The following TXNRD1 variants were observed in gnomAD, a reference collection of about 807,000 sequenced individuals.
TXNRD1 encodes the protein thioredoxin reductase 1, also known as thioredoxin reductase 1, cytoplasmic.
A neutral mutation model predicts 80.3 loss-of-function variants in TXNRD1; 57 were observed. That is an observed-to-expected ratio of 0.71 (90% CI 0.57 to 0.89). The LOEUF (loss-of-function observed/expected upper bound fraction) is 0.89. Among genes scored for constraint, TXNRD1 ranks in the 40% least tolerant of loss-of-function variants. The probability of loss-of-function intolerance (pLI) is 0.00; values close to 1 mark genes in which losing one functional copy is unlikely to be tolerated. For missense variants in TXNRD1, 730 were observed against 803.0 expected (o/e 0.91, Z 1.10); for synonymous variants, 291 against 285.2 (o/e 1.02, Z -0.20).
chr12:104,335,722 G>T (rs186275903), intron 15 of TXNRD1, among the ~76,000 whole-genome samples: 1 of 152,090 alleles, frequency 6.6e-6, no homozygotes, highest in African/African-American at 2.4e-5. Flanking sequence ...TTAAAGAAAC[G>T]ACCTCAGTAA....
At chr12:104,225,885 C>T (rs1475689024) in intron 1 of TXNRD1, among the ~76,000 whole-genome samples, 1 of 152,022 alleles carries the variant, frequency 6.6e-6, no homozygotes, top group East Asian at 1.9e-4. Context: ...TAGTGGATTA[C>T]CAGTATCTGG....
At chr12:104,316,421 ACT>A (rs1181296896) in intron 7 of TXNRD1, among the ~76,000 whole-genome samples, 1 of 151,998 alleles carries the variant, frequency 6.6e-6, no homozygotes, top group Non-Finnish European at 1.5e-5. Flanking sequence ...ACGGAGTCTC[ACT>A]CTGTCGCCCA....
intron 1 of TXNRD1, among the ~76,000 whole-genome samples, chr12:104,221,186 G>GT (rs1257767173): frequency 2.6e-5 from 4 of 152,076 alleles, no homozygotes; most frequent in Admixed American, 2.6e-4. Flanking sequence ...TCGCATGAGC[G>GT]TGGGAGGTCG....
At chr12:104,219,667 C>T (rs1317726377) in intron 1 of TXNRD1, among the ~76,000 whole-genome samples, 5 of 152,172 alleles carry the variant, frequency 3.3e-5, no homozygotes. Context: ...ATTTTTCCTG[C>T]TGGATTTTTG....
Position 104,287,162 on chromosome 12 carries a change from G to A in TXNRD1, c.305-1769G>A, listed in dbSNP as rs1355564909. 2.6e-6 allele frequency: 4 copies of A among 1,561,932 alleles called. No homozygotes were observed. The African/African-American group carries it at 5.4e-5, about 21-fold the overall frequency. On this transcript the variant is annotated intron_variant, in intron 3 of 16. Transcript: ENST00000525566. ...CAAAGCCGCGAGCCCAGGGATGGGA[G>A]CACGCGGGGGACGGCCTGCCGGCGG...
intron 3 of TXNRD1, among the ~76,000 whole-genome samples, chr12:104,269,730 G>A (rs970069335): frequency 6.6e-6 from 1 of 151,998 alleles, no homozygotes. Flanking sequence ...ACCATGCCCA[G>A]CTAATTTTTT....
chr12:104,239,381 G>A (rs2032810662), intron 1 of TXNRD1, among the ~76,000 whole-genome samples: 1 of 151,994 alleles, frequency 6.6e-6, no homozygotes, highest in African/African-American at 2.4e-5. Flanking sequence ...TTTTAGTAGA[G>A]ACAGGGTTTC....
At chr12:104,285,011 T>G (rs986854358) in intron 3 of TXNRD1, among the ~76,000 whole-genome samples, 1 of 152,022 alleles carries the variant, frequency 6.6e-6, no homozygotes. Context: ...CCATTTCTAC[T>G]AAAAATACAA....
At chr12:104,265,591 C>T in intron 3 of TXNRD1, 6 of 1,607,588 alleles carry the variant, frequency 3.7e-6, no homozygotes, top group South Asian at 2.2e-5. Context: ...CAACATGTAC[C>T]GGGAATACCG....
intron 3 of TXNRD1, chr12:104,286,623 C>T (rs1464829786): frequency 1.6e-6 from 1 of 643,334 alleles, no homozygotes; most frequent in Non-Finnish European, 1.9e-6. Context: ...GCCCAGGTCA[C>T]ACTCCACACC....
chr12:104,285,622 C>G (rs1009569101), intron 3 of TXNRD1, among the ~76,000 whole-genome samples: 1 of 152,110 alleles, frequency 6.6e-6, no homozygotes, highest in East Asian at 1.9e-4. Flanking sequence ...CCTTCTGTGT[C>G]CTAAGTCATG....
intron 1 of TXNRD1, among the ~76,000 whole-genome samples, chr12:104,241,569 C>T (rs1593697661): frequency 6.6e-6 from 1 of 152,006 alleles, no homozygotes; most frequent in African/African-American, 2.4e-5. Flanking sequence ...GGACTCTCCA[C>T]TTTGGTCAGG....
At chr12:104,247,366 C>T (rs187751676) in intron 1 of TXNRD1, among the ~76,000 whole-genome samples, 38 of 152,306 alleles carry the variant, frequency 2.5e-4, no homozygotes, top group African/African-American at 7.9e-4. Context: ...CCACGCCTGG[C>T]CCATTACAGT....
chr12:104,322,782 A>G (rs1409828857), intron 10 of TXNRD1, among the ~76,000 whole-genome samples: 2 of 151,740 alleles, frequency 1.3e-5, no homozygotes, highest in African/African-American at 4.8e-5. Flanking sequence ...AGAAAGTAAC[A>G]TCTTCCTATA....
At chr12:104,278,354 C>T (rs11111975) in intron 3 of TXNRD1, among the ~76,000 whole-genome samples, 4 of 151,170 alleles carry the variant, frequency 2.6e-5, no homozygotes, top group African/African-American at 9.8e-5. Context: ...GCGCCCACCC[C>T]CAAGCCTGGC....
intron 7 of TXNRD1, among the ~76,000 whole-genome samples, chr12:104,316,778 G>A (rs1485679107): frequency 3.3e-5 from 5 of 152,178 alleles, no homozygotes; most frequent in South Asian, 2.1e-4. Context: ...TATGACATAT[G>A]TCACTCTGTT....
At chr12:104,307,693 G>C (rs1008893476) in intron 4 of TXNRD1, among the ~76,000 whole-genome samples, 1 of 152,220 alleles carries the variant, frequency 6.6e-6, no homozygotes, top group Non-Finnish European at 1.5e-5. Context: ...TAGGGGAAAA[G>C]TCAGGATTGC....
At chr12:104,310,273 C>T (rs1208082108) in intron 4 of TXNRD1, among the ~76,000 whole-genome samples, 1 of 151,588 alleles carries the variant, frequency 6.6e-6, no homozygotes, top group Non-Finnish European at 1.5e-5. Flanking sequence ...CCTCAGCCTC[C>T]GGAGTAGCTG....
intron 15 of TXNRD1, among the ~76,000 whole-genome samples, 187 bp from the exon 16 acceptor site, chr12:104,338,952 G>A (rs1270932594): frequency 6.6e-6 from 1 of 152,042 alleles, no homozygotes; most frequent in Non-Finnish European, 1.5e-5. Context: ...TCCTGACCTC[G>A]TGATCCACCT....
Sources: gnomAD v4.1 joint callset for allele counts (sites outside exome capture counted in the v4.1 genomes callset) on GRCh38, gnomAD v4.1.1 for gene constraint, MANE v1.5 for transcripts, NCBI Gene and HGNC (gene_info 2026-07-23, HGNC 2026-07-21) for gene names.